The following MAP3K15 variants were observed in gnomAD, a reference collection of about 807,000 sequenced individuals.
The protein encoded by MAP3K15 is MAPK/ERK kinase kinase 15.
In MAP3K15, 124 loss-of-function variants were observed where a neutral mutation model predicts 99.5. That is an observed-to-expected ratio of 1.25 (90% CI 1.08 to 1.45). The LOEUF (loss-of-function observed/expected upper bound fraction) is 1.45, where lower values mean the gene tolerates loss of function less well. Ranked by LOEUF, MAP3K15 falls within the 40% of genes most tolerant of loss-of-function variation. The pLI is 0.00. For missense variants in MAP3K15, 1,242 were observed against 1,079.7 expected (o/e 1.15, Z -2.11); for synonymous variants, 494 against 439.6 (o/e 1.12, Z -1.55).
At position 19,371,358 on chromosome X, in the gene MAP3K15, C is replaced by T. The variant is rs761332697; in HGVS notation, c.3281G>A (p.Gly1094Glu). The T allele has an allele frequency of 4.1e-5, 49 of 1,203,320 alleles. No individual in the cohort carries two copies. The East Asian group carries it at 1.3e-3, about 32-fold the overall frequency. ...TGGAGCACTTACGGCATCCTGAAATCCGAACAGCACCAGGTGAATCTGACT... is the reference window on the plus strand; with the variant it reads ...TGGAGCACTTACGGCATCCTGAAATTCGAACAGCACCAGGTGAATCTGACT... Reference protein sequence around the residue: ...SISQIHLVLFGFQDAVNKILR... With the variant: ...SISQIHLVLFEFQDAVNKILR... The change falls in exon 23 of 29, where the codon GGA (glycine) becomes GAA (glutamate). Residue 1094 changes from glycine to glutamate, a missense_variant. Gly to Glu is a moderately conservative substitution (Grantham distance 98). Coordinates refer to ENST00000338883, the MANE Select transcript of MAP3K15 (RefSeq NM_001001671.4).
rs923765752 is a variant in MAP3K15 at position 19,361,111 on chromosome X, C to T, written c.3857+228G>A. The T allele has an allele frequency of 1.8e-4, 77 of 420,801 alleles. No homozygotes were observed. The highest frequency in any genetic ancestry group is 6.5e-4 in the Middle Eastern group (1 of 1,544). The allele number at this position is 420,801 out of a possible 1,213,427, so 34.7% of individuals were successfully genotyped here. ...CGCTTGCCATGTGCCTCCACCCACT[C>T]CCAGCCAGGCATTAATGGCAGGAGA... On this transcript the variant is annotated intron_variant, in intron 28 of 28. Transcript: ENST00000338883.
chrX:19,413,673 C>T (rs761761536), intron 10 of MAP3K15, among the ~76,000 whole-genome samples: 80 of 33,319 alleles, frequency 2.4e-3, no homozygotes, highest in Non-Finnish European at 2.2e-3. Flanking sequence ...GAGATGCCAT[C>T]TCTTGGGGGG....
At position 19,421,845 on chromosome X, in the gene MAP3K15, G is replaced by A. The variant is rs779176829; in HGVS notation, c.1439+3686C>T. 6.2e-3 allele frequency among the ~76,000 whole-genome samples: 678 copies of A among 109,527 alleles called. 4 individuals carry two copies. Among genetic ancestry groups the A allele is most frequent in the African/African-American group, 0.022 (643 of 29,341 alleles). ...ACCAAAACAGAGATATAGACCAATG[G>A]AACAGAACAGAGCCCTCAGAAATAA... On this transcript the variant is annotated intron_variant, in intron 9 of 28. Transcript: ENST00000338883.
chrX:19,426,005 C>T (rs2063826481), intron 8 of MAP3K15, among the ~76,000 whole-genome samples: 1 of 110,822 alleles, frequency 9.0e-6, no homozygotes, highest in Non-Finnish European at 1.9e-5. Context: ...ACCTGTAATC[C>T]CAGCTACTCA....
chrX:19,366,508 T>C lies in MAP3K15; in HGVS notation c.3566+2546A>G, dbSNP rs146683092. On this transcript the variant is annotated intron_variant, in intron 25 of 28. Coordinates refer to ENST00000338883, the MANE Select transcript of MAP3K15 (RefSeq NM_001001671.4). ...GTGGGAGGGACCCAGTGGGAGATAATTGAATCATGGGGGTGGTTTCCCCCA... is the reference window on the plus strand; with the variant it reads ...GTGGGAGGGACCCAGTGGGAGATAACTGAATCATGGGGGTGGTTTCCCCCA... 2.9e-3 allele frequency among the ~76,000 whole-genome samples: 319 copies of C among 111,857 alleles called. 1 individual carries two copies. The highest frequency in any genetic ancestry group is 9.7e-3 in the African/African-American group (300 of 30,781).
At chrX:19,407,158 T>C (rs763898175) in intron 13 of MAP3K15, 30 bp downstream of exon 13, 20 of 931,745 alleles carry the variant, frequency 2.1e-5, no homozygotes, top group Middle Eastern at 2.7e-4. Flanking sequence ...CATAATTACA[T>C]TGCAAATACC....
chrX:19,475,945 A>G (rs180902246), intron 3 of MAP3K15, among the ~76,000 whole-genome samples: 1 of 112,215 alleles, frequency 8.9e-6, no homozygotes, highest in Non-Finnish European at 1.9e-5. Flanking sequence ...CAAGAAGGCC[A>G]AGAAAGATAT....
At chrX:19,501,718 G>A (rs1278068143) in intron 1 of MAP3K15, among the ~76,000 whole-genome samples, 2 of 111,838 alleles carry the variant, frequency 1.8e-5, no homozygotes, top group African/African-American at 6.5e-5. Flanking sequence ...ACTATACCTG[G>A]CTCCCGGCCA....
At chrX:19,395,534 C>G (rs1360471752) in intron 15 of MAP3K15, among the ~76,000 whole-genome samples, 1 of 111,182 alleles carries the variant, frequency 9.0e-6, no homozygotes, top group African/African-American at 3.3e-5. Flanking sequence ...CTTTACCTCT[C>G]TCAACAGCCC....
chrX:19,442,048 A>G (rs1488787049), intron 6 of MAP3K15, among the ~76,000 whole-genome samples: 1 of 112,109 alleles, frequency 8.9e-6, no homozygotes, highest in Non-Finnish European at 1.9e-5. Flanking sequence ...GTCTGTTACA[A>G]CAGTTACACT....
At chrX:19,418,413 G>A (rs371376657) in intron 9 of MAP3K15, among the ~76,000 whole-genome samples, 3 of 110,967 alleles carry the variant, frequency 2.7e-5, no homozygotes, top group South Asian at 3.9e-4. Flanking sequence ...CTCGGTAGCC[G>A]ATTCGATCAA....
At chrX:19,501,259 C>A (rs1000640300) in intron 1 of MAP3K15, among the ~76,000 whole-genome samples, 2 of 111,856 alleles carry the variant, frequency 1.8e-5, no homozygotes, top group African/African-American at 3.3e-5. Context: ...CATCTTTAAT[C>A]GCCTACTGTA....
intron 17 of MAP3K15, 22 bp downstream of exon 17, chrX:19,392,321 G>A (rs772996073): frequency 1.3e-4 from 150 of 1,196,374 alleles, no homozygotes; most frequent in Non-Finnish European, 1.6e-4. Context: ...AGGCAACCTC[G>A]TCAGCTTAAA....
Position 19,400,577 on chromosome X carries a change from T to A in MAP3K15, c.1931A>T (p.Glu644Val). The part of the protein sequence containing the change: ...LEGETDGDTL[E>V]YEYDHDANGE... ...TATTCTAGATCGTCCATGACTCACCTCCAAGGTGTCTCCATCGGTCTCTCC... is the reference window on the plus strand; with the variant it reads ...TATTCTAGATCGTCCATGACTCACCACCAAGGTGTCTCCATCGGTCTCTCC... The change falls in exon 14 of 29, where the codon GAG becomes GTG. Residue 644 changes from glutamate to valine, a missense_variant and splice_region_variant. Glu to Val is a moderately radical substitution (Grantham distance 121, BLOSUM62 -2). Coordinates refer to ENST00000338883, the MANE Select transcript of MAP3K15 (RefSeq NM_001001671.4). 8.4e-7 allele frequency: 1 copy of A among 1,191,256 alleles called. No individual in the cohort carries two copies. Among genetic ancestry groups the A allele is most frequent in the Non-Finnish European group, 1.1e-6 (1 of 878,200 alleles).
chrX:19,491,492 G>A (rs1414549709), intron 1 of MAP3K15, among the ~76,000 whole-genome samples: 1 of 109,535 alleles, frequency 9.1e-6, no homozygotes, highest in Admixed American at 9.8e-5. Flanking sequence ...TGAGGATATG[G>A]GGGATCAAAG....
chrX:19,403,146 G>A (rs2063620920), intron 13 of MAP3K15, among the ~76,000 whole-genome samples: 1 of 111,412 alleles, frequency 9.0e-6, no homozygotes, highest in Admixed American at 9.6e-5. Flanking sequence ...GCTGATCTGG[G>A]AGGCAGGTAC....
chrX:19,437,543 T>C (rs1025125450), intron 6 of MAP3K15, among the ~76,000 whole-genome samples: 3 of 111,990 alleles, frequency 2.7e-5, no homozygotes, highest in Non-Finnish European at 5.6e-5. Context: ...CCCTTGCCTC[T>C]TTCTGATCTT....
At chrX:19,506,503 A>G (rs1433865358) in intron 1 of MAP3K15, among the ~76,000 whole-genome samples, 1 of 112,030 alleles carries the variant, frequency 8.9e-6, no homozygotes, top group African/African-American at 3.2e-5. Flanking sequence ...TGGAGACTGA[A>G]GCCCTAGTCT....
rs773133789 is a variant in MAP3K15 at position 19,421,495 on chromosome X, G to A, written c.1439+4036C>T. ...AAGGGATGTGAAGGACCTCTTCAAG[G>A]AGAACTACAAACCACTGCTCAACGA... On this transcript the variant is annotated intron_variant, in intron 9 of 28. Transcript: ENST00000338883. Among the ~76,000 whole-genome samples the A allele has an allele frequency of 5.4e-5, 6 of 110,750 alleles. No individual in the cohort carries two copies. In the South Asian group the frequency reaches 2.3e-3, roughly 43 times the overall value.
Sources: gnomAD v4.1 joint callset for allele counts (sites outside exome capture counted in the v4.1 genomes callset) on GRCh38, gnomAD v4.1.1 for gene constraint, MANE v1.5 for transcripts, NCBI Gene and HGNC (gene_info 2026-07-23, HGNC 2026-07-21) for gene names.